SLC25A21: variants seen among roughly 807,000 people sequenced by gnomAD.
SLC25A21 encodes the protein solute carrier family 25 member 21, also known as mitochondrial 2-oxodicarboxylate carrier.
SLC25A21 carries 47 observed loss-of-function variants against 43.8 expected under a neutral mutation model. That is an observed-to-expected ratio of 1.07 (90% CI 0.85 to 1.37). The LOEUF is 1.37. Among genes scored for constraint, SLC25A21 ranks in the 40% most tolerant of loss-of-function variants. SLC25A21 has a pLI of 0.00. For synonymous variants in SLC25A21, 131 were observed against 121.3 expected, an observed-to-expected ratio of 1.08 and a Z score of -0.52; for missense variants, 352 against 350.2, an observed-to-expected ratio of 1.00 and a Z score of -0.04.
chr14:37,133,471 C>T (rs573288565), intron 1 of SLC25A21, among the ~76,000 whole-genome samples: 33 of 152,098 alleles, frequency 2.2e-4, no homozygotes, highest in African/African-American at 8.0e-4. Context: ...TTTCCCACTG[C>T]CACTGCCCTA....
intron 3 of SLC25A21, among the ~76,000 whole-genome samples, chr14:36,792,711 A>C (rs1887532822): frequency 6.6e-6 from 1 of 152,152 alleles, no homozygotes; most frequent in South Asian, 2.1e-4. Flanking sequence ...TGGTATTTAA[A>C]ACTCTAACAT....
chr14:36,709,109 G>A lies in SLC25A21; in HGVS notation c.603+2209C>T, dbSNP rs1418038090. Among the ~76,000 whole-genome samples the A allele has an allele frequency of 2.0e-5, 3 of 151,998 alleles. No homozygotes were observed. The East Asian group carries it at 5.8e-4, about 29-fold the overall frequency. On this transcript the variant is annotated intron_variant, in intron 7 of 9. Transcript: ENST00000331299. ...TGCAGCCTCCACCTCCCAAGTTCAA[G>A]CAATTCTCCTGCCTCAGCCTCCCGA... is the stretch of plus-strand genomic sequence containing the variant.
At position 36,684,731 on chromosome 14, in the gene SLC25A21, T is replaced by C. The variant is rs1329565302; in HGVS notation, c.785+13A>G. 4.4e-6 allele frequency: 7 copies of C among 1,586,744 alleles called. No individual in the cohort carries two copies. Among genetic ancestry groups the C allele is most frequent in the Non-Finnish European group, 6.0e-6 (7 of 1,166,096 alleles). On this transcript the variant is annotated intron_variant, in intron 8 of 9. Transcript: ENST00000331299. ...CCTCATACATTTATTAAAATAAGAATGTGTTATGTTACCCTTCTTCCTGAT... is the reference window on the plus strand; with the variant it reads ...CCTCATACATTTATTAAAATAAGAACGTGTTATGTTACCCTTCTTCCTGAT...
chr14:37,054,144 T>C (rs1314406245), intron 1 of SLC25A21, among the ~76,000 whole-genome samples: 1 of 152,196 alleles, frequency 6.6e-6, no homozygotes, highest in Admixed American at 6.5e-5. Context: ...CTGGTTCTCT[T>C]GGGGAACATT....
chr14:37,059,058 G>A (rs1025956016), intron 1 of SLC25A21, among the ~76,000 whole-genome samples: 3 of 152,162 alleles, frequency 2.0e-5, no homozygotes, highest in South Asian at 4.1e-4. Flanking sequence ...AATTATTCAA[G>A]TATCTTTTCT....
intron 2 of SLC25A21, among the ~76,000 whole-genome samples, chr14:36,855,006 G>C (rs978285998): frequency 2.0e-5 from 3 of 151,992 alleles, no homozygotes; most frequent in Non-Finnish European, 2.9e-5. Context: ...GCAATAAGGG[G>C]CTGCACTGTC....
chr14:37,030,041 A>T (rs1467610855), intron 1 of SLC25A21, among the ~76,000 whole-genome samples: 1 of 152,162 alleles, frequency 6.6e-6, no homozygotes, highest in East Asian at 1.9e-4. Context: ...CTGGGATTAC[A>T]GGCGTGAGCC....
intron 2 of SLC25A21, among the ~76,000 whole-genome samples, chr14:36,843,450 A>G (rs1889447043): frequency 6.6e-6 from 1 of 152,184 alleles, no homozygotes; most frequent in Non-Finnish European, 1.5e-5. Context: ...TTTGTTATTA[A>G]AACAGTCCTA....
rs1448922454 is a variant in SLC25A21, at chr14:36,814,044, G to T, written c.120-43C>A. On this transcript the variant is annotated intron_variant, in intron 2 of 9. Coordinates refer to ENST00000331299, the MANE Select transcript of SLC25A21 (RefSeq NM_030631.4). ...CCAAAAATTCTAAGTTAAAGATTTT[G>T]CCAAATGGCTTTTCTCATTTTTTAA... The T allele has an allele frequency of 3.7e-6, 5 of 1,364,270 alleles. No individual in the cohort carries two copies. In the South Asian group the frequency reaches 6.2e-5, roughly 17 times the overall value. The allele number at this position is 1,364,270 out of a possible 1,614,324, so 84.5% of individuals were successfully genotyped here.
chr14:36,924,102 A>C (rs61989467), intron 1 of SLC25A21, among the ~76,000 whole-genome samples: 5 of 152,078 alleles, frequency 3.3e-5, no homozygotes, highest in Non-Finnish European at 7.4e-5. Flanking sequence ...TTCAACCATT[A>C]TGGAAGTCAG....
At chr14:37,051,839 C>G (rs1453361872) in intron 1 of SLC25A21, among the ~76,000 whole-genome samples, 1 of 152,178 alleles carries the variant, frequency 6.6e-6, no homozygotes, top group Non-Finnish European at 1.5e-5. Flanking sequence ...GTCCTTCCAC[C>G]TGCCTGATCT....
chr14:37,007,181 T>C (rs995129294), intron 1 of SLC25A21, among the ~76,000 whole-genome samples: 3 of 152,194 alleles, frequency 2.0e-5, no homozygotes, highest in Non-Finnish European at 4.4e-5. Context: ...GTCTAACACA[T>C]TGTTATTCCA....
chr14:36,980,151 C>T (rs535047306), intron 1 of SLC25A21, among the ~76,000 whole-genome samples: 55 of 152,262 alleles, frequency 3.6e-4, no homozygotes, highest in South Asian at 8.3e-4. Flanking sequence ...GTGGGTAACC[C>T]GACCTTTCTC....
At chr14:36,828,381 A>G (rs1274969714) in intron 2 of SLC25A21, 1 of 152,202 alleles carries the variant, frequency 6.6e-6, no homozygotes, top group Non-Finnish European at 1.5e-5. Flanking sequence ...TTTAAGAAGT[A>G]ATTGGCACTT....
At chr14:37,152,958 G>A (rs1418426879) in intron 1 of SLC25A21, among the ~76,000 whole-genome samples, 1 of 152,144 alleles carries the variant, frequency 6.6e-6, no homozygotes, top group African/African-American at 2.4e-5. Context: ...CAACACAGAA[G>A]AGACAGGAAA....
intron 3 of SLC25A21, among the ~76,000 whole-genome samples, chr14:36,798,512 T>G (rs768036537): frequency 2.0e-5 from 3 of 151,864 alleles, no homozygotes; most frequent in Non-Finnish European, 4.4e-5. Context: ...GCTCATACAG[T>G]CGTTTTATTG....
chr14:36,949,728 C>T (rs942107455), intron 1 of SLC25A21, among the ~76,000 whole-genome samples: 44 of 152,030 alleles, frequency 2.9e-4, no homozygotes, highest in African/African-American at 8.7e-4. Flanking sequence ...TTCTAGATTC[C>T]TATTTTCTAA....
chr14:37,039,140 G>C (rs1961391656), intron 1 of SLC25A21, among the ~76,000 whole-genome samples: 1 of 152,186 alleles, frequency 6.6e-6, no homozygotes, highest in Non-Finnish European at 1.5e-5. Context: ...GCCACTGTCA[G>C]ACAACCCTGT....
chr14:36,837,278 G>GC (rs1181780397), intron 2 of SLC25A21, among the ~76,000 whole-genome samples: 1 of 152,034 alleles, frequency 6.6e-6, no homozygotes, highest in Non-Finnish European at 1.5e-5. Context: ...GGCCAAGGGG[G>GC]TGTCCAGACT....
Sources: gnomAD v4.1 joint callset for allele counts (sites outside exome capture counted in the v4.1 genomes callset) on GRCh38, gnomAD v4.1.1 for gene constraint, MANE v1.5 for transcripts, NCBI Gene and HGNC (gene_info 2026-07-23, HGNC 2026-07-21) for gene names.